The following CACHD1 variants were observed in gnomAD, a reference collection of about 807,000 sequenced individuals.
The protein encoded by CACHD1 is VWFA and cache domain-containing protein 1.
In CACHD1, 71 loss-of-function variants were observed where a neutral mutation model predicts 138.7. That is an observed-to-expected ratio of 0.51 (90% CI 0.42 to 0.62). The LOEUF is 0.62. CACHD1 is among the 20% of genes least tolerant of loss of function. The probability of loss-of-function intolerance (pLI) is 0.00; values close to 1 mark genes in which losing one functional copy is unlikely to be tolerated. For missense variants in CACHD1, 1,389 were observed against 1,625.3 expected (o/e 0.85, Z 2.50); for synonymous variants, 578 against 591.5 (o/e 0.98, Z 0.33).
intron 3 of CACHD1, among the ~76,000 whole-genome samples, chr1:64,598,196 T>G (rs1380019877): frequency 6.6e-6 from 1 of 152,218 alleles, no homozygotes; most frequent in African/African-American, 2.4e-5. Flanking sequence ...TAGTTACTCC[T>G]GCTAGCCTAG....
At chr1:64,687,886 G>A (rs1650417704) in intron 26 of CACHD1, among the ~76,000 whole-genome samples, 1 of 152,048 alleles carries the variant, frequency 6.6e-6, no homozygotes. Context: ...TACAATTTAA[G>A]AAAGAATTTG....
chr1:64,634,159 G>A lies in CACHD1; in HGVS notation c.905G>A (p.Ser302Asn). Residue 302 changes from serine to asparagine, a missense_variant, in exon 7 of 27, where the codon AGC (serine) becomes AAC (asparagine). This residue lies in a region of CACHD1 where 1,000 missense variants were observed against 1,114.7 expected (regional missense o/e 0.90). Coordinates refer to ENST00000651257, the MANE Select transcript of CACHD1 (RefSeq NM_020925.4). The part of the protein sequence containing the change: ...ETKRKMSTFV[S>N]SVKSSDSPTQ... ...AAAAGGAAAATGTCCACCTTTGTTA[G>A]CAGCGTGAAGTCTTCAGACAGTCCT... 6.2e-7 allele frequency: 1 copy of A among 1,613,876 alleles called. No homozygotes were observed. The highest frequency in any genetic ancestry group is 8.5e-7 in the Non-Finnish European group (1 of 1,179,960).
Position 64,675,447 on chromosome 1 carries a change from G to A in CACHD1, c.2774G>A (p.Arg925Lys). The change falls in exon 20 of 27, where the codon AGA becomes AAA. Residue 925 changes from arginine (R) to lysine (K), a missense_variant. This residue lies in a region of CACHD1 where 50 missense variants were observed against 108.2 expected (regional missense o/e 0.46). Coordinates refer to ENST00000651257, the MANE Select transcript of CACHD1 (RefSeq NM_020925.4). ...LVHGSHCSKY[R>K]LARIPGTNAF... ...CATGGCAGCCACTGTTCCAAATACA[G>A]ATTAGCAAGGATCCCAGGAACCAAC... is the stretch of plus-strand genomic sequence containing the variant. 1 of 1,613,358 alleles carries A rather than the reference G, an allele frequency of 6.2e-7. No individual in the cohort carries two copies. The highest frequency in any genetic ancestry group is 8.5e-7 in the Non-Finnish European group (1 of 1,179,386).
chr1:64,497,998 G>A lies in CACHD1; in HGVS notation c.198+27056G>A, dbSNP rs12090798. On this transcript the variant is annotated intron_variant, in intron 1 of 26. Transcript: ENST00000651257. Reference sequence around the variant, plus strand: ...AAAAATTAGCTGGGCGTGGTGGTGCGTGCCTGTAATCCCAGCTACTCAGGA... The same window carrying A: ...AAAAATTAGCTGGGCGTGGTGGTGCATGCCTGTAATCCCAGCTACTCAGGA... Among the ~76,000 whole-genome samples the A allele has an allele frequency of 4.4e-3, 669 of 152,234 alleles. 7 individuals carry two copies. The highest frequency in any genetic ancestry group is 0.015 in the African/African-American group (612 of 41,534).
chr1:64,494,995 T>A (rs182003736), intron 1 of CACHD1, among the ~76,000 whole-genome samples: 56 of 152,216 alleles, frequency 3.7e-4, no homozygotes, highest in African/African-American at 1.3e-3. Context: ...ATCTTGTTTC[T>A]TTGTGTAGTG....
At chr1:64,650,517 A>C (rs1649055117) in intron 9 of CACHD1, among the ~76,000 whole-genome samples, 1 of 152,214 alleles carries the variant, frequency 6.6e-6, no homozygotes, top group Non-Finnish European at 1.5e-5. Context: ...TCTAAATGTG[A>C]ACTGCTTAAA....
intron 1 of CACHD1, among the ~76,000 whole-genome samples, chr1:64,490,249 C>T (rs896604857): frequency 6.6e-6 from 1 of 152,186 alleles, no homozygotes; most frequent in Non-Finnish European, 1.5e-5. Flanking sequence ...GCAGGTCTGA[C>T]TGGGCATGGT....
Position 64,570,176 on chromosome 1 carries a change from A to G in CACHD1, c.262-11980A>G, listed in dbSNP as rs578117930. On this transcript the variant is annotated intron_variant, in intron 2 of 26. Transcript: ENST00000651257. ...GGACCACTCATCCCTAACATATCCCATGGTGCAATAGGAAATATTTTGGTA... is the reference window on the plus strand; with the variant it reads ...GGACCACTCATCCCTAACATATCCCGTGGTGCAATAGGAAATATTTTGGTA... Among the ~76,000 whole-genome samples the G allele has an allele frequency of 2.0e-5, 3 of 152,288 alleles. No individual in the cohort carries two copies. The South Asian group carries it at 6.2e-4, about 32-fold the overall frequency.
intron 1 of CACHD1, among the ~76,000 whole-genome samples, chr1:64,534,472 C>T (rs1388466819): frequency 6.6e-6 from 1 of 152,202 alleles, no homozygotes; most frequent in African/African-American, 2.4e-5. Context: ...AAAAAGCCTT[C>T]CTGTTATATC....
At position 64,566,337 on chromosome 1, in the gene CACHD1, A is replaced by G. The variant is rs552118305; in HGVS notation, c.261+15681A>G. Reference sequence around the variant, plus strand: ...TTTGCTGCATGAATTAATAATCCTCAAAAACAACTCTTCCAGATTTACTGA... The same window carrying G: ...TTTGCTGCATGAATTAATAATCCTCGAAAACAACTCTTCCAGATTTACTGA... On this transcript the variant is annotated intron_variant, in intron 2 of 26. Coordinates refer to ENST00000651257, the MANE Select transcript of CACHD1 (RefSeq NM_020925.4). Among the ~76,000 whole-genome samples the G allele has an allele frequency of 1.4e-4, 21 of 152,324 alleles. No individual in the cohort carries two copies. The South Asian group carries it at 4.3e-3, about 32-fold the overall frequency.
intron 2 of CACHD1, among the ~76,000 whole-genome samples, chr1:64,579,612 G>A (rs541188433): frequency 5.9e-5 from 9 of 152,186 alleles, no homozygotes; most frequent in Admixed American, 5.2e-4. Flanking sequence ...CAAAGAAAAG[G>A]TAGAACTTGC....
rs368411738 is a variant in CACHD1 at position 64,685,736 on chromosome 1, A to G, written c.3586+3630A>G. On this transcript the variant is annotated intron_variant, in intron 26 of 26. Transcript: ENST00000651257. Reference sequence around the variant, plus strand: ...GCCTGTAGTCCCAGCTACTCGGGAGACTGAGGTGGGAAGATCACTTGAGCC... The same window carrying G: ...GCCTGTAGTCCCAGCTACTCGGGAGGCTGAGGTGGGAAGATCACTTGAGCC... 2.6e-5 allele frequency among the ~76,000 whole-genome samples: 4 copies of G among 151,784 alleles called. No individual in the cohort carries two copies. The East Asian group carries it at 5.8e-4, about 22-fold the overall frequency.
intron 1 of CACHD1, among the ~76,000 whole-genome samples, chr1:64,504,990 A>T (rs1038347136): frequency 1.3e-5 from 2 of 152,232 alleles, no homozygotes; most frequent in African/African-American, 4.8e-5. Flanking sequence ...TGATATTGAT[A>T]ACAGCAGTCT....
intron 1 of CACHD1, among the ~76,000 whole-genome samples, chr1:64,537,896 A>G (rs1250127156): frequency 6.6e-6 from 1 of 152,126 alleles, no homozygotes; most frequent in Non-Finnish European, 1.5e-5. Context: ...GTAAGTGGCA[A>G]AGATTTTTTT....
At chr1:64,620,934 C>T (rs1456493717) in intron 4 of CACHD1, among the ~76,000 whole-genome samples, 2 of 152,126 alleles carry the variant, frequency 1.3e-5, no homozygotes, top group East Asian at 1.9e-4. Flanking sequence ...CCCTAACTTA[C>T]AGCCAACTAA....
At chr1:64,512,322 A>G (rs1295466753) in intron 1 of CACHD1, among the ~76,000 whole-genome samples, 2 of 147,356 alleles carry the variant, frequency 1.4e-5, no homozygotes, top group African/African-American at 5.1e-5. Context: ...TGAACCCAGG[A>G]GGCAGAGGTT....
intron 4 of CACHD1, among the ~76,000 whole-genome samples, chr1:64,618,098 A>G (rs1173949606): frequency 6.6e-6 from 1 of 151,554 alleles, no homozygotes; most frequent in East Asian, 1.9e-4. Flanking sequence ...AAAAAAAGTA[A>G]CCTGTCTATG....
At chr1:64,501,805 A>G (rs1325882864) in intron 1 of CACHD1, among the ~76,000 whole-genome samples, 1 of 152,254 alleles carries the variant, frequency 6.6e-6, no homozygotes, top group East Asian at 1.9e-4. Flanking sequence ...CATCAGCTCC[A>G]TCTCACTTTG....
At chr1:64,653,188 A>T (rs1186023483) in intron 10 of CACHD1, among the ~76,000 whole-genome samples, 2 of 152,108 alleles carry the variant, frequency 1.3e-5, no homozygotes, top group African/African-American at 2.4e-5. Flanking sequence ...ATGAGAACAC[A>T]TGGACACAAA....
Sources: allele counts gnomAD v4.1 joint callset (sites outside exome capture counted in the v4.1 genomes callset), GRCh38; gene constraint gnomAD v4.1.1; regional missense constraint gnomAD v4.1.1; transcripts MANE v1.5; gene names NCBI Gene and HGNC (gene_info 2026-07-23, HGNC 2026-07-21).